The following MLLT10 variants were observed in gnomAD, a reference collection of about 807,000 sequenced individuals.
MLLT10 encodes the protein protein AF-10.
In MLLT10, 30 loss-of-function variants were observed where a neutral mutation model predicts 129.1. That is an observed-to-expected ratio of 0.23 (90% CI 0.17 to 0.32). The LOEUF (loss-of-function observed/expected upper bound fraction) is 0.32, where lower values mean the gene tolerates loss of function less well. Among genes scored for constraint, MLLT10 ranks in the 10% least tolerant of loss-of-function variants. MLLT10 has a pLI of 1.00. For synonymous variants in MLLT10, 490 were observed against 446.4 expected (o/e 1.10, Z -1.23); for missense variants, 1,119 against 1,268.3 (o/e 0.88, Z 1.79).
chr10:21,645,632 T>A (rs1415524448), intron 8 of MLLT10, among the ~76,000 whole-genome samples: 1 of 152,218 alleles, frequency 6.6e-6, no homozygotes, highest in East Asian at 1.9e-4. Flanking sequence ...GCAAATCTTT[T>A]TAATAATTTA....
chr10:21,604,788 C>G (rs1471453964), intron 5 of MLLT10, among the ~76,000 whole-genome samples: 1 of 151,860 alleles, frequency 6.6e-6, no homozygotes, highest in Non-Finnish European at 1.5e-5. Flanking sequence ...AAATAGTTCT[C>G]TGTGGCTTGA....
chr10:21,713,874 C>T lies in MLLT10; in HGVS notation c.1802C>T (p.Ser601Phe). 4 of 1,614,082 alleles carry T rather than the reference C, an allele frequency of 2.5e-6. No homozygotes were observed. Among genetic ancestry groups the T allele is most frequent in the East Asian group, 2.2e-5 (1 of 44,874 alleles). Residue 601 changes from serine to phenylalanine, a missense_variant, in exon 14 of 23, where the codon TCT (serine) becomes TTT (phenylalanine). By Grantham distance (155) the Ser-to-Phe change is radical (BLOSUM62 -2). Around this residue, in one of 5 missense-constraint regions of MLLT10, gnomAD observed 1,004 missense variants for 1,008.7 expected, o/e 1.00. Coordinates refer to ENST00000307729, the MANE Select transcript of MLLT10 (RefSeq NM_001195626.3). The stretch of plus-strand genomic sequence containing the variant: ...AGCTCTCACTTACCTCAGCAGTCTT[C>T]TGGGCATTTGCAACAAGTAGGAGCG... ...VSSSHLPQQS[S>F]GHLQQVGALS...
chr10:21,702,914 A>C (rs1296434090), intron 13 of MLLT10, among the ~76,000 whole-genome samples: 1 of 152,092 alleles, frequency 6.6e-6, no homozygotes, highest in African/African-American at 2.4e-5. Context: ...AATTTAATCC[A>C]TTACATTTAA....
In MLLT10 at chr10:21,670,598, C is replaced by G. The variant is rs756122398; in HGVS notation, c.945C>G (p.Gly315=). ...TTTCAGAGACTAGAGGGTCAGAGGG[C>G]AAAGGGAAGAAATCTTCAGCTCACA... is the stretch of plus-strand genomic sequence containing the variant. ...KDVSETRGSE[G]KGKKSSAHSS... The change falls in exon 10 of 23, where the codon GGC becomes GGG. Residue 315 remains glycine, a synonymous_variant. Coordinates refer to ENST00000307729, the MANE Select transcript of MLLT10 (RefSeq NM_001195626.3). The G allele has an allele frequency of 1.9e-6, 3 of 1,614,076 alleles. No individual in the cohort carries two copies. Among genetic ancestry groups the G allele is most frequent in the Middle Eastern group, 3.3e-4 (2 of 6,062 alleles).
intron 13 of MLLT10, among the ~76,000 whole-genome samples, chr10:21,695,061 C>CTTTTT (rs71393922): frequency 6.7e-5 from 7 of 104,038 alleles, no homozygotes; most frequent in African/African-American, 1.5e-4. Flanking sequence ...TTTCTACCTT[C>CTTTTT]TTTTTTTTTT....
intron 8 of MLLT10, among the ~76,000 whole-genome samples, chr10:21,623,641 G>A (rs1323287173): frequency 6.6e-6 from 1 of 152,188 alleles, no homozygotes; most frequent in Non-Finnish European, 1.5e-5. Context: ...CAGTTGATTT[G>A]ACTAGTCAAA....
chr10:21,698,456 T>C (rs2054579546), intron 13 of MLLT10, among the ~76,000 whole-genome samples: 2 of 152,360 alleles, frequency 1.3e-5, no homozygotes, highest in East Asian at 1.9e-4. Flanking sequence ...ACACTTTCTT[T>C]ATCCATTTGT....
chr10:21,672,371 G>C (rs1448663640), intron 10 of MLLT10, among the ~76,000 whole-genome samples: 1 of 152,046 alleles, frequency 6.6e-6, no homozygotes, highest in African/African-American at 2.4e-5. Context: ...GGGACCACAA[G>C]CATGCGTCAC....
chr10:21,688,667 G>A, intron 13 of MLLT10: 1 of 648,894 alleles, frequency 1.5e-6, no homozygotes, highest in Non-Finnish European at 2.5e-6. Context: ...ATGCCTGAAA[G>A]GAATTATCTA....
intron 3 of MLLT10, among the ~76,000 whole-genome samples, chr10:21,553,491 C>G (rs2037412464): frequency 6.7e-6 from 1 of 149,810 alleles, no homozygotes; most frequent in African/African-American, 2.5e-5. Flanking sequence ...ATGCCCAGCT[C>G]AGTTTTGTAT....
chr10:21,673,337 T>C lies in MLLT10; in HGVS notation c.1052-13T>C. The C allele has an allele frequency of 9.5e-7, 1 of 1,053,592 alleles. No homozygotes were observed. Among genetic ancestry groups the C allele is most frequent in the Non-Finnish European group, 1.2e-6 (1 of 801,262 alleles). The allele number at this position is 1,053,592 out of a possible 1,614,324, so 65.3% of individuals were successfully genotyped here. On this transcript the variant is annotated splice_polypyrimidine_tract_variant and intron_variant, in intron 10 of 22. Transcript: ENST00000307729. ...CCCCAACTTTTTTTTTTTTTTTTTT[T>C]TTTAAACTACAGGCAGTTTTTCAGG...
intron 13 of MLLT10, among the ~76,000 whole-genome samples, chr10:21,683,601 T>C (rs866641133): frequency 5.3e-5 from 8 of 152,196 alleles, no homozygotes; most frequent in Admixed American, 2.0e-4. Flanking sequence ...AAGTGTAAGA[T>C]TGACACCTAG....
chr10:21,672,975 A>G (rs1481799681), intron 10 of MLLT10, among the ~76,000 whole-genome samples: 1 of 152,160 alleles, frequency 6.6e-6, no homozygotes, highest in Middle Eastern at 3.2e-3. Context: ...TGACTGTGGA[A>G]AGGAGACTAC....
chr10:21,573,917 A>C (rs1423147992), intron 3 of MLLT10, among the ~76,000 whole-genome samples: 1 of 152,060 alleles, frequency 6.6e-6, no homozygotes, highest in Admixed American at 6.6e-5. Flanking sequence ...TATTTTTGCA[A>C]CTTTGTATGG....
intron 22 of MLLT10, 74 bp downstream of exon 22, chr10:21,740,310 C>T: frequency 2.6e-6 from 4 of 1,513,188 alleles, no homozygotes; most frequent in Non-Finnish European, 3.6e-6. Context: ...CATTTTCCAG[C>T]CTGGTTTTGT....
chr10:21,634,935 C>G (rs2047324579), intron 8 of MLLT10, among the ~76,000 whole-genome samples: 1 of 152,184 alleles, frequency 6.6e-6, no homozygotes, highest in Non-Finnish European at 1.5e-5. Context: ...AAAACAGATG[C>G]TGTAGGCTTA....
chr10:21,689,543 A>C (rs2053607970), intron 13 of MLLT10, among the ~76,000 whole-genome samples: 1 of 125,450 alleles, frequency 8.0e-6, no homozygotes. Context: ...GGCTGTGTAA[A>C]GTAATATATA....
intron 8 of MLLT10, among the ~76,000 whole-genome samples, chr10:21,629,986 T>A (rs553909209): frequency 6.6e-6 from 1 of 152,176 alleles, no homozygotes; most frequent in Admixed American, 6.5e-5. Context: ...TAAAAAAGAA[T>A]CTCAGATTTG....
chr10:21,636,540 A>G (rs2047477756), intron 8 of MLLT10, among the ~76,000 whole-genome samples: 1 of 150,566 alleles, frequency 6.6e-6, no homozygotes, highest in South Asian at 2.1e-4. Flanking sequence ...TTATGTTTTA[A>G]TGTTCTTTTA....
Sources: allele counts gnomAD v4.1 joint callset (sites outside exome capture counted in the v4.1 genomes callset), GRCh38; gene constraint gnomAD v4.1.1; regional missense constraint gnomAD v4.1.1; transcripts MANE v1.5; gene names NCBI Gene and HGNC (gene_info 2026-07-23, HGNC 2026-07-21).